TMEM184C: variants seen among roughly 807,000 people sequenced by gnomAD.
TMEM184C encodes transmembrane protein 184C, also known as transmembrane protein 34.
A neutral mutation model predicts 54.5 loss-of-function variants in TMEM184C; 25 were observed. The observed-to-expected ratio is 0.46, with a 90% CI of 0.33 to 0.64. TMEM184C has a LOEUF of 0.64. Among genes scored for constraint, TMEM184C ranks in the 30% least tolerant of loss-of-function variants. The pLI is 0.02. For missense variants in TMEM184C, 335 were observed against 520.3 expected (o/e 0.64, Z 3.46); for synonymous variants, 148 against 181.5 (o/e 0.82, Z 1.49).
At position 147,634,160 on chromosome 4, in the gene TMEM184C, A is replaced by G. The variant is rs1400208734; in HGVS notation, c.1052-9A>G. ...TAACTTTTGACTAACAGAAAACTTT[A>G]TATTAAAGGACGGACAGTCAGGGGA... On this transcript the variant is annotated splice_polypyrimidine_tract_variant and intron_variant, in intron 9 of 9. Transcript: ENST00000296582. 2.5e-6 allele frequency: 4 copies of G among 1,606,582 alleles called. No homozygotes were observed. In the South Asian group the frequency reaches 3.3e-5, roughly 13 times the overall value.
At chr4:147,629,556 G>A (rs1401660848) in intron 5 of TMEM184C, 43 bp from the exon 6 acceptor site, 11 of 1,456,374 alleles carry the variant, frequency 7.6e-6, no homozygotes, top group African/African-American at 2.9e-5. Flanking sequence ...TTTGAAGTAC[G>A]ATTTTGATTT....
At chr4:147,632,774 T>C in intron 7 of TMEM184C, 129 bp from the exon 8 acceptor site, 1 of 615,544 alleles carries the variant, frequency 1.6e-6, no homozygotes, top group Non-Finnish European at 2.8e-6. Flanking sequence ...TCTTCAGCAA[T>C]ATGCTGTAAA....
chr4:147,634,029 A>AC (rs1280923561), intron 9 of TMEM184C, 93 bp downstream of exon 9: 1 of 1,522,092 alleles, frequency 6.6e-7, no homozygotes, highest in Non-Finnish European at 8.8e-7. Context: ...AGAGATGAAA[A>AC]AAGACTTTAA....
chr4:147,622,822 C>G (rs1732737403), intron 1 of TMEM184C, among the ~76,000 whole-genome samples: 1 of 152,062 alleles, frequency 6.6e-6, no homozygotes, highest in African/African-American at 2.4e-5. Flanking sequence ...AGTACGGTGG[C>G]ACAAATCATG....
chr4:147,629,922 C>A (rs1038555291), intron 6 of TMEM184C, among the ~76,000 whole-genome samples: 1 of 151,424 alleles, frequency 6.6e-6, no homozygotes. Context: ...TATACCCTCA[C>A]ATGTTGACCA....
chr4:147,629,694 TA>T lies in TMEM184C; in HGVS notation c.666+4del. 1.3e-6 allele frequency: 2 copies of T among 1,560,804 alleles called. No individual in the cohort carries two copies. Among genetic ancestry groups the T allele is most frequent in the South Asian group, 1.3e-5 (1 of 79,552 alleles). On this transcript the variant is annotated splice_donor_region_variant and intron_variant, in intron 6 of 9. Transcript: ENST00000296582. Reference sequence around the variant, plus strand: ...ATAATAAACAACATGTCACAGTTGGTAAGTAAAATGTTCACTTTTCTTAAAC... The same window carrying T: ...ATAATAAACAACATGTCACAGTTGGTAGTAAAATGTTCACTTTTCTTAAAC...
chr4:147,623,054 G>A (rs1253719891), intron 1 of TMEM184C, among the ~76,000 whole-genome samples: 1 of 152,098 alleles, frequency 6.6e-6, no homozygotes, highest in Non-Finnish European at 1.5e-5. Flanking sequence ...ATTTTAATGT[G>A]GAAATTTGTT....
chr4:147,627,130 AT>A (rs1732829135), intron 4 of TMEM184C, among the ~76,000 whole-genome samples: 1 of 152,192 alleles, frequency 6.6e-6, no homozygotes, highest in Non-Finnish European at 1.5e-5. Flanking sequence ...ATTCTTTTAG[AT>A]TGACTGACAC....
chr4:147,622,536 A>C (rs1732730203), intron 1 of TMEM184C, among the ~76,000 whole-genome samples: 1 of 152,160 alleles, frequency 6.6e-6, no homozygotes, highest in Non-Finnish European at 1.5e-5. Context: ...TGCATATAGG[A>C]TTTGGGACTA....
intron 1 of TMEM184C, among the ~76,000 whole-genome samples, chr4:147,621,989 CT>C (rs148922114): frequency 2.1e-4 from 30 of 142,172 alleles, no homozygotes; most frequent in African/African-American, 2.1e-4. Flanking sequence ...TTTTTTCTTT[CT>C]TTTTTTTTTT....
At position 147,617,967 on chromosome 4, in the gene TMEM184C, C is replaced by G. The variant is rs752732587; in HGVS notation, c.11C>G (p.Thr4Ser). 4 of 1,614,058 alleles carry G rather than the reference C, an allele frequency of 2.5e-6. No homozygotes were observed. In the Admixed American group the frequency reaches 5.0e-5, roughly 20 times the overall value. ...GATTTGTGCGAAAACATGCCTTGCACTTGTACCTGGAGGAACTGGAGACAG... is the reference window on the plus strand; with the variant it reads ...GATTTGTGCGAAAACATGCCTTGCAGTTGTACCTGGAGGAACTGGAGACAG... Reference protein sequence around the residue: MPCTCTWRNWRQWI... With the variant: MPCSCTWRNWRQWI... The change falls in exon 1 of 10, where the codon ACT becomes AGT. Residue 4 changes from threonine to serine, a missense_variant. Thr to Ser is a moderately conservative substitution (Grantham distance 58). Coordinates refer to ENST00000296582, the MANE Select transcript of TMEM184C (RefSeq NM_018241.3).
chr4:147,621,192 C>G (rs552533388), intron 1 of TMEM184C, among the ~76,000 whole-genome samples: 3 of 152,198 alleles, frequency 2.0e-5, no homozygotes, highest in South Asian at 4.2e-4. Flanking sequence ...AACCTCAGCA[C>G]ATTTACCTCA....
Position 147,617,892 on chromosome 4 carries a change from GGCTCCCCATTACAAT to G in TMEM184C, c.-64_-50del. 1 of 1,605,626 alleles carries G rather than the reference GGCTCCCCATTACAAT, an allele frequency of 6.2e-7. No homozygotes were observed. The highest frequency in any genetic ancestry group is 2.2e-5 in the East Asian group (1 of 44,668). ...AGTTGACAAAACAGCCAGAGAACAGGGCTCCCCATTACAATCTTTTCGAGATCTTTTCCCTTGCTA... is the reference window on the plus strand; with the variant it reads ...AGTTGACAAAACAGCCAGAGAACAGGCTTTTCGAGATCTTTTCCCTTGCTA... On this transcript the variant is annotated 5_prime_UTR_variant, in exon 1 of 10. Transcript: ENST00000296582.
chr4:147,624,140 T>G, intron 3 of TMEM184C, 42 bp downstream of exon 3: 1 of 1,493,166 alleles, frequency 6.7e-7, no homozygotes, highest in Non-Finnish European at 9.2e-7. Flanking sequence ...AAGGACTTGT[T>G]TGATGATACT....
Position 147,623,835 on chromosome 4 carries a change from T to G in TMEM184C, c.125T>G (p.Val42Gly). Reference protein sequence around the residue: ...LCVWELQKLEVGIHTKAWFIA... With the variant: ...LCVWELQKLEGGIHTKAWFIA... ...TAACATGTTATTTTGTTTCTTAAGG[T>G]TGGAATACACACCAAGGCTTGGTTT... is the stretch of plus-strand genomic sequence containing the variant. Residue 42 changes from valine (V) to glycine (G), a missense_variant and splice_region_variant, in exon 2 of 10, where the codon GTT (valine) becomes GGT (glycine). Transcript: ENST00000296582. 1 of 1,613,554 alleles carries G rather than the reference T, an allele frequency of 6.2e-7. No individual in the cohort carries two copies. Among genetic ancestry groups the G allele is most frequent in the South Asian group, 1.1e-5 (1 of 90,990 alleles).
chr4:147,621,447 T>A (rs1225136948), intron 1 of TMEM184C, among the ~76,000 whole-genome samples: 3 of 152,310 alleles, frequency 2.0e-5, no homozygotes, highest in Non-Finnish European at 2.9e-5. Flanking sequence ...TGATAAAGAT[T>A]AAGAATAATA....
intron 7 of TMEM184C, chr4:147,632,653 G>A (rs754856055): frequency 1.8e-5 from 7 of 395,464 alleles, no homozygotes; most frequent in Non-Finnish European, 3.2e-5. Flanking sequence ...ATTTTACCTG[G>A]GGCCATTATC....
intron 5 of TMEM184C, 41 bp from the exon 6 acceptor site, chr4:147,629,558 T>C (rs762929308): frequency 4.2e-5 from 62 of 1,479,828 alleles, no homozygotes; most frequent in Non-Finnish European, 5.4e-5. Context: ...TGAAGTACGA[T>C]TTTGATTTAA....
chr4:147,625,993 T>C (rs956139744), intron 4 of TMEM184C, among the ~76,000 whole-genome samples: 1 of 152,010 alleles, frequency 6.6e-6, no homozygotes, highest in Admixed American at 6.6e-5. Context: ...GGTGAAATCA[T>C]AGGGAGTCAA....
Sources: gnomAD v4.1 joint callset for allele counts (sites outside exome capture counted in the v4.1 genomes callset) on GRCh38, gnomAD v4.1.1 for gene constraint, MANE v1.5 for transcripts, NCBI Gene and HGNC (gene_info 2026-07-23, HGNC 2026-07-21) for gene names.